Variants in MAN1A2 observed in about 807,000 individuals in gnomAD.
MAN1A2 encodes the protein mannosyl-oligosaccharide 1,2-alpha-mannosidase IB.
In MAN1A2, 26 loss-of-function variants were observed where a neutral mutation model predicts 75.7. The ratio of observed to expected loss-of-function variants is 0.34; its 90% CI spans 0.25 to 0.48. The LOEUF (loss-of-function observed/expected upper bound fraction) is 0.48, where lower values mean the gene tolerates loss of function less well. Among genes scored for constraint, MAN1A2 ranks in the 20% least tolerant of loss-of-function variants. The pLI is 0.99. For synonymous variants in MAN1A2, 247 were observed against 264.6 expected (o/e 0.93, Z 0.65); for missense variants, 562 against 775.5 (o/e 0.72, Z 3.27).
At position 117,525,640 on chromosome 1, in the gene MAN1A2, G is replaced by T. The variant is rs558990291; in HGVS notation, c.*2683G>T. The T allele has an allele frequency of 6.6e-6, 1 of 151,894 alleles. No individual in the cohort carries two copies. The highest frequency in any genetic ancestry group is 1.5e-5 in the Non-Finnish European group (1 of 67,916). The allele number at this position is 151,894 out of a possible 1,614,324, so 9.4% of individuals were successfully genotyped here. ...GTGCAGAATAGATACATCAGTTGGT[G>T]CATAATCGAAAAAAATAGGAATTTT... On this transcript the variant is annotated 3_prime_UTR_variant, in exon 13 of 13. Transcript: ENST00000356554.
intron 12 of MAN1A2, among the ~76,000 whole-genome samples, chr1:117,508,801 A>G (rs1304010649): frequency 6.6e-6 from 1 of 151,740 alleles, no homozygotes. Context: ...ACATGTTAAT[A>G]GTATTTCAAC....
chr1:117,456,498 T>C (rs1649585978), intron 6 of MAN1A2, among the ~76,000 whole-genome samples: 1 of 152,008 alleles, frequency 6.6e-6, no homozygotes, highest in Non-Finnish European at 1.5e-5. Flanking sequence ...TATAAACCTA[T>C]TTTCTAAAAT....
At chr1:117,431,999 G>A (rs569779132) in intron 5 of MAN1A2, among the ~76,000 whole-genome samples, 1 of 152,164 alleles carries the variant, frequency 6.6e-6, no homozygotes, top group Non-Finnish European at 1.5e-5. Context: ...AATTAAATTA[G>A]AAATCAATAA....
chr1:117,469,544 A>G (rs1448210845), intron 8 of MAN1A2, among the ~76,000 whole-genome samples: 1 of 152,152 alleles, frequency 6.6e-6, no homozygotes, highest in African/African-American at 2.4e-5. Context: ...ATGAGAGAAA[A>G]TATTTGCAAA....
rs558910876 is a variant in MAN1A2, at chr1:117,419,764, G to A, written c.775-805G>A. On this transcript the variant is annotated intron_variant, in intron 4 of 12. Transcript: ENST00000356554. The stretch of plus-strand genomic sequence containing the variant: ...AATACAAACATAGAGACTCTATTTA[G>A]TAAGGTTATTAATATTACTATATTT... 3.3e-5 allele frequency among the ~76,000 whole-genome samples: 5 copies of A among 151,942 alleles called. No homozygotes were observed. In the East Asian group the frequency reaches 9.7e-4, roughly 29 times the overall value.
rs142565421 is a variant in MAN1A2 at position 117,501,721 on chromosome 1, T to A, written c.1678-1134T>A. On this transcript the variant is annotated intron_variant, in intron 11 of 12. Transcript: ENST00000356554. ...TTTAGTTATAATCAAAATGGAGCTA[T>A]AAAATGAGCAGATTGATTAAATAAA... 6.2e-3 allele frequency among the ~76,000 whole-genome samples: 943 copies of A among 151,866 alleles called. 8 individuals carry two copies. The highest frequency in any genetic ancestry group is 0.022 in the African/African-American group (902 of 41,502).
At chr1:117,428,741 A>G (rs1342921501) in intron 5 of MAN1A2, among the ~76,000 whole-genome samples, 1 of 150,584 alleles carries the variant, frequency 6.6e-6, no homozygotes, top group Non-Finnish European at 1.5e-5. Flanking sequence ...ATCAGAGTAT[A>G]CTTCAAGATG....
intron 8 of MAN1A2, among the ~76,000 whole-genome samples, chr1:117,486,988 T>C (rs1431269892): frequency 6.6e-6 from 1 of 151,996 alleles, no homozygotes; most frequent in Non-Finnish European, 1.5e-5. Context: ...GTAAGTAAGA[T>C]TGGGAACATA....
chr1:117,436,306 G>T (rs1375916056), intron 5 of MAN1A2, among the ~76,000 whole-genome samples: 1 of 152,172 alleles, frequency 6.6e-6, no homozygotes, highest in Admixed American at 6.5e-5. Context: ...TTAAGAGGAA[G>T]GGGTATCCGA....
chr1:117,395,116 C>T (rs1228937960), intron 1 of MAN1A2, among the ~76,000 whole-genome samples: 2 of 152,116 alleles, frequency 1.3e-5, no homozygotes, highest in East Asian at 3.8e-4. Flanking sequence ...AGGACAGTTT[C>T]AATAAGAGAG....
Position 117,526,880 on chromosome 1 carries a change from C to CTCTCTATA in MAN1A2, c.*3924_*3925insCTCTATAT. ...TCTCTCTCTCTCTCTCTCTCTCTCT[C>CTCTCTATA]TATATATATATATATATATATATAT... is the stretch of plus-strand genomic sequence containing the variant. On this transcript the variant is annotated 3_prime_UTR_variant, in exon 13 of 13. Transcript: ENST00000356554. 100 of 54,498 alleles carry CTCTCTATA rather than the reference C, an allele frequency of 1.8e-3. No individual in the cohort carries two copies. The highest frequency in any genetic ancestry group is 3.4e-3 in the African/African-American group (42 of 12,276). The allele number at this position is 54,498 out of a possible 1,614,324, so 3.4% of individuals were successfully genotyped here. A position where few individuals can be genotyped will look rare whatever the true frequency, so the allele number is the denominator to read the frequency against.
intron 8 of MAN1A2, among the ~76,000 whole-genome samples, chr1:117,478,213 C>T (rs375478595): frequency 1.4e-4 from 21 of 151,922 alleles, no homozygotes; most frequent in East Asian, 9.7e-4. Context: ...ATACTCTTTG[C>T]TATCCATTTA....
chr1:117,374,868 A>G (rs1653088182), intron 1 of MAN1A2, among the ~76,000 whole-genome samples: 1 of 152,200 alleles, frequency 6.6e-6, no homozygotes, highest in African/African-American at 2.4e-5. Flanking sequence ...ATGTATTCTA[A>G]AGGAATTAGT....
At chr1:117,378,309 C>G (rs1311707469) in intron 1 of MAN1A2, among the ~76,000 whole-genome samples, 1 of 152,028 alleles carries the variant, frequency 6.6e-6, no homozygotes, top group Non-Finnish European at 1.5e-5. Context: ...TTTATATTTC[C>G]ATAACGTGTA....
intron 5 of MAN1A2, among the ~76,000 whole-genome samples, chr1:117,440,193 G>C (rs114714493): frequency 6.6e-6 from 1 of 152,260 alleles, no homozygotes; most frequent in Non-Finnish European, 1.5e-5. Context: ...GTTAGAGAGA[G>C]ACAAAGACTC....
chr1:117,509,589 CTTTAG>C (rs899988072), intron 12 of MAN1A2, among the ~76,000 whole-genome samples: 15 of 151,786 alleles, frequency 9.9e-5, no homozygotes, highest in African/African-American at 3.6e-4. Flanking sequence ...ATTCTCAGTG[CTTTAG>C]TTTAGTGTTT....
intron 1 of MAN1A2, among the ~76,000 whole-genome samples, chr1:117,376,941 G>T (rs1480173659): frequency 6.6e-6 from 1 of 152,178 alleles, no homozygotes; most frequent in Non-Finnish European, 1.5e-5. Flanking sequence ...TTGTACATGG[G>T]TTATATGCAA....
intron 8 of MAN1A2, among the ~76,000 whole-genome samples, chr1:117,489,494 T>C (rs994858124): frequency 6.6e-6 from 1 of 152,092 alleles, no homozygotes; most frequent in Admixed American, 6.6e-5. Flanking sequence ...TTTTTTGTTG[T>C]GTGTACCCTA....
Position 117,368,109 on chromosome 1 carries a change from G to T in MAN1A2, c.-75G>T, listed in dbSNP as rs752206472. On this transcript the variant is annotated 5_prime_UTR_variant, in exon 1 of 13. Transcript: ENST00000356554. ...GTTTTCCCATTTTGGCCAAGATTTT[G>T]AAGACAGTTCAATGTATTCTACATT... 3.4e-5 allele frequency: 48 copies of T among 1,420,644 alleles called. No individual in the cohort carries two copies. Among genetic ancestry groups the T allele is most frequent in the African/African-American group, 4.3e-5 (3 of 69,690 alleles). 88.0% of individuals were successfully genotyped at this position (1,420,644 alleles called of 1,614,324 possible). A position where few individuals can be genotyped will look rare whatever the true frequency, so the allele number is the denominator to read the frequency against.
Sources: allele counts gnomAD v4.1 joint callset (sites outside exome capture counted in the v4.1 genomes callset), GRCh38; gene constraint gnomAD v4.1.1; transcripts MANE v1.5; gene names NCBI Gene and HGNC (gene_info 2026-07-23, HGNC 2026-07-21).